The following ASTN2 variants were observed in gnomAD, a reference collection of about 807,000 sequenced individuals.
ASTN2 encodes the protein astrotactin 2.
In ASTN2, 54 loss-of-function variants were observed where a neutral mutation model predicts 139.8. That is an observed-to-expected ratio of 0.39 (90% CI 0.31 to 0.48). ASTN2 has a LOEUF of 0.48. Among genes scored for constraint, ASTN2 ranks in the 20% least tolerant of loss-of-function variants. The pLI is 0.95. For missense variants in ASTN2, 1,565 were observed against 1,725.1 expected, an observed-to-expected ratio of 0.91 and a Z score of 1.64; for synonymous variants, 756 against 719.5, an observed-to-expected ratio of 1.05 and a Z score of -0.81.
chr9:117,359,184 G>A (rs372668773), intron 1 of ASTN2, among the ~76,000 whole-genome samples: 2 of 152,018 alleles, frequency 1.3e-5, no homozygotes, highest in Middle Eastern at 3.2e-3. Flanking sequence ...TCCTAAACCC[G>A]TGCTCTTGAG....
At chr9:116,543,741 C>T (rs1851974214) in intron 19 of ASTN2, 2 of 152,126 alleles carry the variant, frequency 1.3e-5, no homozygotes, top group Admixed American at 6.6e-5. Context: ...GTTTTCCTCT[C>T]ATGTGAATTT....
At chr9:117,125,347 C>T (rs567834795) in intron 4 of ASTN2, among the ~76,000 whole-genome samples, 2 of 152,274 alleles carry the variant, frequency 1.3e-5, no homozygotes, top group African/African-American at 4.8e-5. Context: ...CAGGGCACCT[C>T]AATTCTGAGC....
chr9:117,174,000 T>C (rs1316545411), intron 3 of ASTN2, among the ~76,000 whole-genome samples: 1 of 150,516 alleles, frequency 6.6e-6, no homozygotes, highest in Non-Finnish European at 1.5e-5. Context: ...ACTAATAAAA[T>C]AGATATAATA....
At chr9:116,722,249 C>T (rs1372328) in intron 16 of ASTN2, among the ~76,000 whole-genome samples, 64,187 of 151,268 alleles carry the variant, frequency 0.42, 14,236 homozygotes, top group Admixed American at 0.55. Context: ...CAACATCTGA[C>T]GCACACACAA....
intron 20 of ASTN2, among the ~76,000 whole-genome samples, chr9:116,464,696 TGAGTCTCCA>T (rs1051340288): frequency 1.3e-4 from 20 of 152,208 alleles, no homozygotes; most frequent in African/African-American, 4.8e-4. Context: ...GTGTGCCAGT[TGAGTCTCCA>T]GAGAGCCTTT....
chr9:116,633,096 CTATCTCCAAA>C, intron 17 of ASTN2, among the ~76,000 whole-genome samples: 1 of 152,350 alleles, frequency 6.6e-6, no homozygotes, highest in Admixed American at 6.5e-5. Context: ...TTGTTCTAAA[CTATCTCCAAA>C]TCATTTGTCC....
At position 116,805,722 on chromosome 9, in the gene ASTN2, A is replaced by C. The variant is rs1191138752; in HGVS notation, c.2306T>G (p.Phe769Cys). 11 of 1,613,832 alleles carry C rather than the reference A, an allele frequency of 6.8e-6. No homozygotes were observed. In the African/African-American group the frequency reaches 1.5e-4, roughly 22 times the overall value. The change falls in exon 13 of 23, where the codon TTC becomes TGC. Residue 769 changes from phenylalanine to cysteine, a missense_variant. Transcript: ENST00000313400. ...GPKCLKPDSK[F>C]NDTLFGEMLH... is the part of the protein sequence containing the mutation. ...CATCTCTCCAAAGAGGGTATCATTG[A>C]ATTTGGAGTCAGGTTTGAGGCACTT...
chr9:117,365,303 G>GAAAGAAAGAA (rs1179797349), intron 1 of ASTN2, among the ~76,000 whole-genome samples: 2 of 144,906 alleles, frequency 1.4e-5, no homozygotes, highest in Non-Finnish European at 3.0e-5. Context: ...GAAAGAAAAA[G>GAAAGAAAGAA]AAAGAAAGAA....
At chr9:116,700,371 A>G (rs959389227) in intron 16 of ASTN2, 1 of 167,486 alleles carries the variant, frequency 6.0e-6, no homozygotes, top group Non-Finnish European at 1.5e-5. Context: ...GATTGACCCT[A>G]GTTGGTTGGT....
At chr9:117,204,487 T>C (rs1306843735) in intron 3 of ASTN2, among the ~76,000 whole-genome samples, 2 of 151,730 alleles carry the variant, frequency 1.3e-5, no homozygotes, top group African/African-American at 2.4e-5. Flanking sequence ...GACACTGTAC[T>C]CTCTCTCAAA....
intron 16 of ASTN2, among the ~76,000 whole-genome samples, chr9:116,717,262 G>A (rs956548812): frequency 4.6e-5 from 7 of 151,110 alleles, no homozygotes; most frequent in East Asian, 3.9e-4. Context: ...AGGGTGTTCC[G>A]TTCCAGATGG....
chr9:117,063,951 G>A (rs1839375031), intron 5 of ASTN2, among the ~76,000 whole-genome samples: 1 of 151,918 alleles, frequency 6.6e-6, no homozygotes, highest in Non-Finnish European at 1.5e-5. Flanking sequence ...CCTATCCACT[G>A]GGGCTGCTCC....
At chr9:116,625,679 TC>T (rs1159007394) in intron 17 of ASTN2, among the ~76,000 whole-genome samples, 1 of 152,174 alleles carries the variant, frequency 6.6e-6, no homozygotes, top group Admixed American at 6.5e-5. Context: ...TTCTCCCATC[TC>T]AACCCCCCTG....
chr9:117,141,452 C>T lies in ASTN2; in HGVS notation c.1042G>A (p.Val348Met), dbSNP rs536597394. 764 of 1,367,414 alleles carry T rather than the reference C, an allele frequency of 5.6e-4. 9 individuals carry two copies. In the South Asian group the frequency reaches 8.2e-3, roughly 15 times the overall value. The allele number at this position is 1,367,414 out of a possible 1,614,324, so 84.7% of individuals were successfully genotyped here. A position where few individuals can be genotyped will look rare whatever the true frequency, so the allele number is the denominator to read the frequency against. The stretch of plus-strand genomic sequence containing the variant: ...TTGAACTTCTGCATCAGGGACTCCA[C>T]TGTCTCCTGAGTCGCCTCAGCTGCT... ...KAAAEATQET[V>M]ESLMQKFKES... Residue 348 changes from valine (V) to methionine (M), a missense_variant, in exon 4 of 23, where the codon GTG (valine) becomes ATG (methionine). Transcript: ENST00000313400.
At chr9:117,233,856 C>T (rs1346313434) in intron 2 of ASTN2, among the ~76,000 whole-genome samples, 2 of 152,086 alleles carry the variant, frequency 1.3e-5, no homozygotes, top group Non-Finnish European at 2.9e-5. Context: ...ATAACCTAAC[C>T]GCCTAAATTT....
At chr9:116,504,159 TTTC>T (rs1241488102) in intron 19 of ASTN2, 6 of 152,226 alleles carry the variant, frequency 3.9e-5, no homozygotes, top group African/African-American at 1.4e-4. Flanking sequence ...AAATCATCTC[TTTC>T]TTAAGATACT....
At chr9:117,370,386 G>A (rs1023612612) in intron 1 of ASTN2, among the ~76,000 whole-genome samples, 5 of 152,092 alleles carry the variant, frequency 3.3e-5, no homozygotes, top group African/African-American at 7.2e-5. Context: ...AAAGGCACAC[G>A]GCCTCTAAGC....
rs149469412 is a variant in ASTN2 at position 116,649,009 on chromosome 9, G to A, written c.3072+2519C>T. 5.9e-3 allele frequency among the ~76,000 whole-genome samples: 903 copies of A among 151,918 alleles called. 10 individuals are homozygous for A. The highest frequency in any genetic ancestry group is 0.02 in the African/African-American group (846 of 41,422). ...AGATTGCGCCACTGCACCCTAGCCT[G>A]GGAGACAGAGTGAGACTCAGTCTCA... On this transcript the variant is annotated intron_variant, in intron 17 of 22. Coordinates refer to ENST00000313400, the MANE Select transcript of ASTN2 (RefSeq NM_001365068.1).
chr9:116,542,336 G>A (rs1187028049), intron 19 of ASTN2, among the ~76,000 whole-genome samples: 1 of 152,106 alleles, frequency 6.6e-6, no homozygotes, highest in African/African-American at 2.4e-5. Flanking sequence ...ACTTTTAGTG[G>A]TTTATAAGAT....
Sources: gnomAD v4.1 joint callset for allele counts (sites outside exome capture counted in the v4.1 genomes callset) on GRCh38, gnomAD v4.1.1 for gene constraint, MANE v1.5 for transcripts, NCBI Gene and HGNC (gene_info 2026-07-23, HGNC 2026-07-21) for gene names.